ZNF518A: variants seen among roughly 807,000 people sequenced by gnomAD.
ZNF518A encodes zinc finger protein 518.
Under a neutral mutation model 102.7 loss-of-function variants are expected in ZNF518A, and 47 were observed. That is an observed-to-expected ratio of 0.46 (90% confidence interval 0.36 to 0.58). The LOEUF (loss-of-function observed/expected upper bound fraction) is 0.58, where lower values mean the gene tolerates loss of function less well. ZNF518A is among the 20% of genes least tolerant of loss of function. The pLI, the probability that ZNF518A is intolerant of heterozygous loss-of-function variation, is 0.00. For missense variants in ZNF518A, 1,793 were observed against 1,699.8 expected, an observed-to-expected ratio of 1.05 and a Z score of -0.96; for synonymous variants, 652 against 594.6, an observed-to-expected ratio of 1.10 and a Z score of -1.40.
At position 96,157,857 on chromosome 10, in the gene ZNF518A, C is replaced by T. The variant is rs2082772817; in HGVS notation, c.1535C>T (p.Thr512Ile). Residue 512 changes from threonine (T) to isoleucine (I), a missense_variant, in exon 6 of 6, where the codon ACT becomes ATT. Physicochemically the swap from Thr to Ile is moderately conservative, Grantham distance 89. This residue lies in a region of ZNF518A where 1,741 missense variants were observed against 1,622.6 expected (regional missense o/e 1.07). Transcript: ENST00000316045. Reference sequence around the variant, plus strand: ...GACACAGTTTATATGAAAGCAGCTACTCCATTTTCATGTTCATCTTCTATA... The same window carrying T: ...GACACAGTTTATATGAAAGCAGCTATTCCATTTTCATGTTCATCTTCTATA... ...LNDTVYMKAA[T>I]PFSCSSSILS... is the part of the protein sequence containing the mutation. 3 of 1,613,866 alleles carry T rather than the reference C, an allele frequency of 1.9e-6. No homozygotes were observed. The East Asian group carries it at 6.7e-5, about 36-fold the overall frequency.
upstream of ZNF518A, chr10:96,129,763 G>C (rs2081228783): frequency 6.6e-6 from 1 of 152,382 alleles, no homozygotes. Flanking sequence ...TACAGTTCCT[G>C]CTCCTGGTGT....
At chr10:96,138,652 T>TA (rs782066778) in intron 3 of ZNF518A, among the ~76,000 whole-genome samples, 11 of 152,238 alleles carry the variant, frequency 7.2e-5, no homozygotes, top group Non-Finnish European at 1.6e-4. Flanking sequence ...GTTTATTACC[T>TA]AAATAATCAG....
intron 1 of ZNF518A, among the ~76,000 whole-genome samples, chr10:96,181,060 C>T (rs2083237205): frequency 6.6e-6 from 1 of 152,194 alleles, no homozygotes; most frequent in Non-Finnish European, 1.5e-5. Context: ...GATGGTATCT[C>T]ATTGTGGTTT....
At chr10:96,175,597 A>C (rs2083198221) in intron 1 of ZNF518A, among the ~76,000 whole-genome samples, 2 of 152,192 alleles carry the variant, frequency 1.3e-5, no homozygotes, top group Non-Finnish European at 2.9e-5. Context: ...CTGGAGAAAG[A>C]AAGGGGTTGG....
downstream of ZNF518A, among the ~76,000 whole-genome samples, chr10:96,164,427 G>A (rs1215661300): frequency 6.6e-6 from 1 of 152,008 alleles, no homozygotes; most frequent in Non-Finnish European, 1.5e-5. Context: ...TTTTCAGGGT[G>A]GTATTTGTTG....
At chr10:96,131,156 A>G (rs1449931531) in intron 1 of ZNF518A, among the ~76,000 whole-genome samples, 3 of 152,222 alleles carry the variant, frequency 2.0e-5, no homozygotes, top group Non-Finnish European at 2.9e-5. Context: ...AGAATGTTGG[A>G]ATTTGTACAG....
chr10:96,133,929 C>T lies in ZNF518A; in HGVS notation c.-302+281C>T, dbSNP rs370953830. ...GTTTATGTCATTAAGTAACTTTTTC[C>T]TATATAATATTTGTTTGACTTCCTA... On this transcript the variant is annotated intron_variant, in intron 3 of 5. Coordinates refer to ENST00000316045, the MANE Select transcript of ZNF518A (RefSeq NM_001330736.2). Among the ~76,000 whole-genome samples the T allele has an allele frequency of 2.0e-5, 3 of 152,258 alleles. No individual in the cohort carries two copies. The East Asian group carries it at 5.8e-4, about 29-fold the overall frequency.
rs1278292671 is a variant in ZNF518A at position 96,198,268 on chromosome 10, GAA to G, written n.36-5301_36-5300del. Among the ~76,000 whole-genome samples, 3 of 152,082 alleles carry G rather than the reference GAA, an allele frequency of 2.0e-5. No homozygotes were observed. In the East Asian group the frequency reaches 5.8e-4, roughly 29 times the overall value. ...CATAGAATCAAAGACAGTGATGGGA[GAA>G]AAAATGACAAAAAAGATCCAAAACG... On this transcript the variant is annotated intron_variant and non_coding_transcript_variant, in intron 1 of 2. Transcript: ENST00000442635.
chr10:96,182,654 C>T (rs587732100), intron 1 of ZNF518A, among the ~76,000 whole-genome samples: 2 of 152,160 alleles, frequency 1.3e-5, no homozygotes, highest in Non-Finnish European at 2.9e-5. Flanking sequence ...GTTGAACCAG[C>T]CTTGCATCCC....
chr10:96,196,596 C>T (rs2083472283), intron 1 of ZNF518A, among the ~76,000 whole-genome samples: 1 of 152,170 alleles, frequency 6.6e-6, no homozygotes, highest in Non-Finnish European at 1.5e-5. Flanking sequence ...ATTCTTACAA[C>T]CTTAATTCAA....
chr10:96,169,824 C>T (rs56046295), intron 1 of ZNF518A, among the ~76,000 whole-genome samples: 12,064 of 152,130 alleles, frequency 0.079, 973 homozygotes, highest in African/African-American at 0.21. Flanking sequence ...TTATTCTTAC[C>T]GTGTTTTGTA....
In ZNF518A at chr10:96,158,722, C is replaced by T; in HGVS notation, c.2400C>T (p.Asp800=). ...AAATAAAACCTGATGTAAAACAAGA[C>T]TCTAGTAACACTCCAAATAAAGGCT... ...VLKIKPDVKQ[D]SSNTPNKGLP... is the part of the protein sequence containing the mutation. The change falls in exon 6 of 6, where the codon GAC becomes GAT. Residue 800 remains aspartate, a synonymous_variant. Coordinates refer to ENST00000316045, the MANE Select transcript of ZNF518A (RefSeq NM_001330736.2). 3 of 1,613,428 alleles carry T rather than the reference C, an allele frequency of 1.9e-6. No individual in the cohort carries two copies. Among genetic ancestry groups the T allele is most frequent in the South Asian group, 2.2e-5 (2 of 91,038 alleles).
intron 3 of ZNF518A, among the ~76,000 whole-genome samples, chr10:96,142,347 TGTGTG>T (rs1564748527): frequency 7.3e-5 from 11 of 150,448 alleles, no homozygotes; most frequent in Middle Eastern, 3.4e-3. Context: ...TGTGTGTGTG[TGTGTG>T]TGTTTCTAGA....
chr10:96,172,529 A>T (rs1282091721), intron 1 of ZNF518A, among the ~76,000 whole-genome samples: 1 of 152,076 alleles, frequency 6.6e-6, no homozygotes, highest in African/African-American at 2.4e-5. Context: ...GTAACATGTA[A>T]ACCTATTGTG....
Position 96,157,131 on chromosome 10 carries a change from G to A in ZNF518A, c.809G>A (p.Gly270Asp), listed in dbSNP as rs1554883050. 2 of 1,613,696 alleles carry A rather than the reference G, an allele frequency of 1.2e-6. No individual in the cohort carries two copies. Among genetic ancestry groups the A allele is most frequent in the East Asian group, 2.2e-5 (1 of 44,864 alleles). Residue 270 changes from glycine (G) to aspartate (D), a missense_variant, in exon 6 of 6, where the codon GGT (glycine) becomes GAT (aspartate). Gly to Asp is a moderately conservative substitution (Grantham distance 94). Around this residue, in one of 3 missense-constraint regions of ZNF518A, gnomAD observed 1,741 missense variants for 1,622.6 expected, o/e 1.07. Transcript: ENST00000316045. ...FPFTCQYCSY[G>D]ATRREHLVRH... ...TTCACTTGTCAATATTGTAGCTATG[G>A]TGCCACCAGGAGAGAACACCTTGTA...
At chr10:96,153,582 G>C (rs1389192964) in intron 3 of ZNF518A, among the ~76,000 whole-genome samples, 4 of 152,128 alleles carry the variant, frequency 2.6e-5, no homozygotes, top group African/African-American at 9.7e-5. Flanking sequence ...ATACAAAAAA[G>C]ATTGACATTC....
intron 3 of ZNF518A, among the ~76,000 whole-genome samples, chr10:96,152,400 C>T (rs1161090423): frequency 6.6e-6 from 1 of 152,194 alleles, no homozygotes; most frequent in Non-Finnish European, 1.5e-5. Context: ...TGGAGGATTA[C>T]AATTGTAATA....
intron 1 of ZNF518A, among the ~76,000 whole-genome samples, chr10:96,179,910 G>T (rs138669606): frequency 7.7e-6 from 1 of 129,916 alleles, no homozygotes; most frequent in East Asian, 2.4e-4. Flanking sequence ...ATGGAGTCTC[G>T]CTCTCTAGCT....
intron 1 of ZNF518A, among the ~76,000 whole-genome samples, chr10:96,131,943 T>A (rs587661217): frequency 4.6e-5 from 7 of 152,236 alleles, no homozygotes; most frequent in Non-Finnish European, 7.4e-5. Flanking sequence ...TACTTTTCTG[T>A]TTATAGTTGT....
Sources: allele counts gnomAD v4.1 joint callset (sites outside exome capture counted in the v4.1 genomes callset), GRCh38; gene constraint gnomAD v4.1.1; regional missense constraint gnomAD v4.1.1; transcripts MANE v1.5; gene names NCBI Gene and HGNC (gene_info 2026-07-23, HGNC 2026-07-21).